The following TMT1A variants were observed in gnomAD, a reference collection of about 807,000 sequenced individuals.
TMT1A encodes the protein thiol methyltransferase 1A, also known as thiol S-methyltransferase TMT1A.
the TMT1A span, among the ~76,000 whole-genome samples, chr12:50,928,375 C>T: frequency 3.9e-5 from 6 of 152,082 alleles, no homozygotes; most frequent in South Asian, 2.1e-4. Flanking sequence ...ATTTATCAAG[C>T]GAAACAGAAA....
chr12:50,929,725 C>T, the TMT1A span, among the ~76,000 whole-genome samples: 1 of 152,100 alleles, frequency 6.6e-6, no homozygotes, highest in Non-Finnish European at 1.5e-5. Flanking sequence ...GTGAAAATGG[C>T]ACAAAAATTT....
the TMT1A span, among the ~76,000 whole-genome samples, chr12:50,926,023 A>AAAAG: frequency 6.8e-6 from 1 of 147,110 alleles, no homozygotes; most frequent in East Asian, 1.9e-4. Context: ...TCTCAAAAAA[A>AAAAG]AAAAAAAAAA....
chr12:50,927,381 T>C, the TMT1A span, among the ~76,000 whole-genome samples: 9 of 152,182 alleles, frequency 5.9e-5, no homozygotes, highest in Non-Finnish European at 1.2e-4. Context: ...AACTTGGAGA[T>C]AGGGTTTAGG....
At chr12:50,929,889 G>GTTT in the TMT1A span, 3 of 1,240,736 alleles carry the variant, frequency 2.4e-6, no homozygotes, top group South Asian at 1.5e-5. Context: ...TCCTTGAAAT[G>GTTT]TTTTTTTTTT....
the TMT1A span, among the ~76,000 whole-genome samples, chr12:50,926,859 G>A: frequency 2.6e-5 from 4 of 152,136 alleles, no homozygotes; most frequent in Admixed American, 6.5e-5. Context: ...AAACCTTTCC[G>A]TAAAGTCTGT....
At chr12:50,925,949 A>G in the TMT1A span, among the ~76,000 whole-genome samples, 1 of 138,302 alleles carries the variant, frequency 7.2e-6, no homozygotes, top group East Asian at 2.5e-4. Flanking sequence ...CTGGTGGGGC[A>G]GAGGTTAAAG....
chr12:50,925,455 T>C, the TMT1A span: 2 of 1,614,042 alleles, frequency 1.2e-6, no homozygotes, highest in Non-Finnish European at 1.7e-6. Context: ...GCTCTGTGGA[T>C]GTGGTGGTCT....
chr12:50,932,043 G>A, the TMT1A span: 1 of 152,088 alleles, frequency 6.6e-6, no homozygotes, highest in Non-Finnish European at 1.5e-5. Context: ...CAAGTCTTAA[G>A]ATAAAGATTG....
the TMT1A span, chr12:50,930,221 G>A: frequency 7.8e-7 from 1 of 1,278,792 alleles, no homozygotes; most frequent in Non-Finnish European, 1.0e-6. Flanking sequence ...AAAATGCTAA[G>A]TGGGAGAAGA....
the TMT1A span, chr12:50,925,283 G>A: frequency 5.0e-6 from 8 of 1,614,076 alleles, no homozygotes; most frequent in Admixed American, 1.2e-4. Flanking sequence ...TGTGGCACGG[G>A]GGCCAACTTC....
the TMT1A span, chr12:50,925,239 C>A: frequency 6.2e-7 from 1 of 1,614,096 alleles, no homozygotes; most frequent in African/African-American, 1.3e-5. Context: ...AGTTTGCGGG[C>A]CCCTCCGGGA....
the TMT1A span, chr12:50,925,452 G>A: frequency 3.1e-6 from 5 of 1,614,104 alleles, no homozygotes; most frequent in African/African-American, 5.3e-5. Context: ...ATGGCTCTGT[G>A]GATGTGGTGG....
the TMT1A span, chr12:50,929,820 C>A: frequency 8.6e-7 from 1 of 1,156,334 alleles, no homozygotes; most frequent in Non-Finnish European, 1.2e-6. Flanking sequence ...CACAGGTTTG[C>A]AAGGCAGTGC....
chr12:50,929,980 C>T, the TMT1A span: 2 of 1,613,892 alleles, frequency 1.2e-6, no homozygotes, highest in Non-Finnish European at 1.7e-6. Context: ...CTTCTGGCAA[C>T]AAGTCCTGGA....
chr12:50,930,127 A>G, the TMT1A span: 8 of 1,611,542 alleles, frequency 5.0e-6, no homozygotes, highest in Non-Finnish European at 5.9e-6. Flanking sequence ...GCGCCCTCAT[A>G]TCTATGGATA....
At chr12:50,929,702 C>A in the TMT1A span, among the ~76,000 whole-genome samples, 1 of 152,158 alleles carries the variant, frequency 6.6e-6, no homozygotes, top group South Asian at 2.1e-4. Flanking sequence ...TTAATCATAT[C>A]ACGTACATAT....
At chr12:50,930,253 G>T in the TMT1A span, 2 of 906,922 alleles carry the variant, frequency 2.2e-6, no homozygotes, top group South Asian at 2.2e-5. Context: ...TTTGGGGGGC[G>T]GTTTTTTTGG....
the TMT1A span, chr12:50,931,736 A>C: frequency 6.8e-6 from 1 of 146,330 alleles, no homozygotes; most frequent in Admixed American, 6.8e-5. Flanking sequence ...AAAAAAAAAG[A>C]AGTAGAGACA....
At chr12:50,928,164 C>A in the TMT1A span, among the ~76,000 whole-genome samples, 1 of 152,202 alleles carries the variant, frequency 6.6e-6, no homozygotes. Flanking sequence ...TACCACAGTG[C>A]TTGTTATTGG....
Sources: gnomAD v4.1 joint callset for allele counts (sites outside exome capture counted in the v4.1 genomes callset) on GRCh38, gnomAD v4.1.1 for gene constraint, MANE v1.5 for transcripts, NCBI Gene and HGNC (gene_info 2026-07-23, HGNC 2026-07-21) for gene names.